LRRTM3: variants seen among roughly 807,000 people sequenced by gnomAD.
The protein encoded by LRRTM3 is leucine-rich repeat transmembrane neuronal protein 3.
Under a neutral mutation model 44.7 loss-of-function variants are expected in LRRTM3, and 24 were observed. The ratio of observed to expected loss-of-function variants is 0.54; its 90% CI spans 0.39 to 0.76. The LOEUF is 0.76. LRRTM3 is among the 30% of genes least tolerant of loss of function. The pLI is 0.00. For synonymous variants in LRRTM3, 277 were observed against 278.7 expected (o/e 0.99, Z 0.06); for missense variants, 587 against 702.2 (o/e 0.84, Z 1.85).
At chr10:67,091,295 ATTTCT>A (rs887981459) in intron 2 of LRRTM3, among the ~76,000 whole-genome samples, 1 of 152,038 alleles carries the variant, frequency 6.6e-6, no homozygotes, top group African/African-American at 2.4e-5. Context: ...AAATTAAAAC[ATTTCT>A]TTAAGTAAAT....
intron 2 of LRRTM3, among the ~76,000 whole-genome samples, chr10:67,023,326 A>C (rs10822962): frequency 0.024 from 3,644 of 151,974 alleles, 161 homozygotes; most frequent in African/African-American, 0.082. Context: ...AGAATAAGAC[A>C]TTCCTCCATG....
intron 2 of LRRTM3, among the ~76,000 whole-genome samples, chr10:66,988,502 A>G (rs1255266224): frequency 6.6e-6 from 1 of 152,120 alleles, no homozygotes; most frequent in African/African-American, 2.4e-5. Context: ...ACTTCTGTGT[A>G]TTGTGTGTTT....
chr10:67,043,820 T>C (rs1324849653), intron 2 of LRRTM3, among the ~76,000 whole-genome samples: 1 of 152,154 alleles, frequency 6.6e-6, no homozygotes, highest in Non-Finnish European at 1.5e-5. Flanking sequence ...AGGATAATTA[T>C]GATACAGTGA....
intron 2 of LRRTM3, among the ~76,000 whole-genome samples, chr10:66,990,034 C>G (rs1486973050): frequency 6.6e-6 from 1 of 152,094 alleles, no homozygotes; most frequent in African/African-American, 2.4e-5. Flanking sequence ...CAATAATAAT[C>G]CTTGCATAAA....
At chr10:67,062,539 G>T (rs886604483) in intron 2 of LRRTM3, among the ~76,000 whole-genome samples, 1 of 152,092 alleles carries the variant, frequency 6.6e-6, no homozygotes, top group Non-Finnish European at 1.5e-5. Context: ...GTGTGTCTGC[G>T]TGTAGATATG....
chr10:67,075,384 T>A (rs1365319779), intron 2 of LRRTM3, among the ~76,000 whole-genome samples: 4 of 152,244 alleles, frequency 2.6e-5, no homozygotes, highest in African/African-American at 9.6e-5. Flanking sequence ...CTGAGAGAGA[T>A]GCCAGTTTTA....
intron 2 of LRRTM3, among the ~76,000 whole-genome samples, chr10:67,072,817 G>C (rs114969035): frequency 0.01 from 1,555 of 152,092 alleles, 33 homozygotes; most frequent in African/African-American, 0.035. Context: ...TTTGAGTTTG[G>C]TGTCTCCAGG....
chr10:67,066,226 T>C (rs1397284370), intron 2 of LRRTM3, among the ~76,000 whole-genome samples: 1 of 148,348 alleles, frequency 6.7e-6, no homozygotes, highest in Non-Finnish European at 1.5e-5. Flanking sequence ...ACAGTCTTGC[T>C]CCATCGCCCA....
intron 2 of LRRTM3, among the ~76,000 whole-genome samples, chr10:67,044,154 C>A (rs1444237089): frequency 6.6e-6 from 1 of 151,910 alleles, no homozygotes; most frequent in Non-Finnish European, 1.5e-5. Context: ...TTCACATGTA[C>A]CCCATGGCTA....
chr10:67,042,925 G>T (rs144068595), intron 2 of LRRTM3, among the ~76,000 whole-genome samples: 1 of 152,126 alleles, frequency 6.6e-6, no homozygotes, highest in East Asian at 1.9e-4. Context: ...GAATATATTC[G>T]AACGCTATAA....
intron 2 of LRRTM3, among the ~76,000 whole-genome samples, chr10:67,018,189 T>C (rs1589610605): frequency 6.6e-6 from 1 of 152,236 alleles, no homozygotes; most frequent in Non-Finnish European, 1.5e-5. Context: ...TCACTATAAA[T>C]ATGTACTTTT....
Position 67,092,896 on chromosome 10 carries a change from T to C in LRRTM3, c.1537-4691T>C, listed in dbSNP as rs530307464. Among the ~76,000 whole-genome samples, 4 of 152,142 alleles carry C rather than the reference T, an allele frequency of 2.6e-5. No individual in the cohort carries two copies. In the East Asian group the frequency reaches 7.8e-4, roughly 30 times the overall value. On this transcript the variant is annotated intron_variant, in intron 2 of 2. Transcript: ENST00000361320. Reference sequence around the variant, plus strand: ...ATTATTCCTAAGGGAATTTCCTAAATAATGGGTCAGCTACTACTACTCATT... The same window carrying C: ...ATTATTCCTAAGGGAATTTCCTAAACAATGGGTCAGCTACTACTACTCATT...
intron 2 of LRRTM3, among the ~76,000 whole-genome samples, chr10:66,990,789 A>G (rs1234434519): frequency 2.0e-5 from 3 of 152,164 alleles, no homozygotes; most frequent in African/African-American, 7.2e-5. Context: ...GAATTATGTA[A>G]CCAAAATCTG....
intron 2 of LRRTM3, among the ~76,000 whole-genome samples, chr10:67,026,249 A>G (rs1243976045): frequency 3.3e-5 from 5 of 152,056 alleles, no homozygotes; most frequent in African/African-American, 4.8e-5. Context: ...CCTAAAACTT[A>G]AAGTATAATA....
intron 2 of LRRTM3, among the ~76,000 whole-genome samples, chr10:67,035,810 A>G (rs1925630): frequency 0.34 from 51,018 of 151,978 alleles, 9,172 homozygotes; most frequent in Middle Eastern, 0.55. Flanking sequence ...AAAAAAATCC[A>G]TAGCTGAAGC....
intron 2 of LRRTM3, among the ~76,000 whole-genome samples, chr10:67,048,248 G>A (rs1854872470): frequency 6.6e-6 from 1 of 151,968 alleles, no homozygotes; most frequent in Non-Finnish European, 1.5e-5. Flanking sequence ...TATAAACGAG[G>A]AAGAAAATTC....
At chr10:67,044,304 C>G (rs545334732) in intron 2 of LRRTM3, among the ~76,000 whole-genome samples, 2 of 151,984 alleles carry the variant, frequency 1.3e-5, no homozygotes, top group Non-Finnish European at 2.9e-5. Flanking sequence ...AACAATTTAA[C>G]GAGGGGGAAG....
intron 2 of LRRTM3, among the ~76,000 whole-genome samples, chr10:66,936,892 A>C (rs1847732339): frequency 6.6e-6 from 1 of 152,268 alleles, no homozygotes; most frequent in East Asian, 1.9e-4. Context: ...GCTAAAGGTA[A>C]GAAAGTTATA....
intron 2 of LRRTM3, among the ~76,000 whole-genome samples, chr10:67,028,560 T>C (rs761322569): frequency 6.6e-6 from 1 of 150,926 alleles, no homozygotes; most frequent in African/African-American, 2.4e-5. Flanking sequence ...GAAAATAGAA[T>C]GTAGTTATGT....
Sources: gnomAD v4.1 joint callset for allele counts (sites outside exome capture counted in the v4.1 genomes callset) on GRCh38, gnomAD v4.1.1 for gene constraint, MANE v1.5 for transcripts, NCBI Gene and HGNC (gene_info 2026-07-23, HGNC 2026-07-21) for gene names.